KMT2D: variants seen among roughly 807,000 people sequenced by gnomAD.
KMT2D encodes the protein histone-lysine N-methyltransferase 2D.
Under a neutral mutation model 512.7 loss-of-function variants are expected in KMT2D, and 55 were observed. That is an observed-to-expected ratio of 0.11 (90% CI 0.09 to 0.13). The LOEUF (loss-of-function observed/expected upper bound fraction) is 0.13, where lower values mean the gene tolerates loss of function less well. Among genes scored for constraint, KMT2D ranks in the 10% least tolerant of loss-of-function variants. KMT2D has a pLI of 1.00. For missense variants in KMT2D, 6,061 were observed against 7,127.9 expected (o/e 0.85, Z 5.39); for synonymous variants, 2,995 against 2,904.0 (o/e 1.03, Z -1.01).
chr12:49,033,851 A>C lies in KMT2D; in HGVS notation c.10854T>G (p.Ala3618=). 2 of 1,559,118 alleles carry C rather than the reference A, an allele frequency of 1.3e-6. No individual in the cohort carries two copies. The highest frequency in any genetic ancestry group is 8.7e-7 in the Non-Finnish European group (1 of 1,154,298). ...GCCGGGGACTCTGGGAAGGGCTGAG[A>C]GCCAGCACAGCTGAGTGCTGTTGCT... ...QQQQQHSAVL[A]LSPSQSPRLL... Residue 3618 remains alanine, a synonymous_variant, in exon 40 of 55, where the codon GCT becomes GCG. Transcript: ENST00000301067.
At chr12:49,027,368 C>G in intron 48 of KMT2D, 46 bp from the exon 49 acceptor site, 1 of 1,449,912 alleles carries the variant, frequency 6.9e-7, no homozygotes, top group Non-Finnish European at 9.2e-7. Context: ...CCTCATCTAA[C>G]TAGCTCCCTC....
rs1346858813 is a variant in KMT2D at position 49,054,148 on chromosome 12, G to A, written c.511-8C>T. ...GGTGCAGTGGGAGCAGCGCTGCCAG[G>A]GTGAAAAAAGAGCCTCAGTGTCAGC... On this transcript the variant is annotated splice_polypyrimidine_tract_variant and splice_region_variant and intron_variant, in intron 5 of 54. Coordinates refer to ENST00000301067, the MANE Select transcript of KMT2D (RefSeq NM_003482.4). The surrounding 1 kb of genome is among the most constrained non-coding windows in gnomAD (Gnocchi z 6.4). 6.3e-7 allele frequency: 1 copy of A among 1,588,158 alleles called. No homozygotes were observed. Among genetic ancestry groups the A allele is most frequent in the Non-Finnish European group, 8.6e-7 (1 of 1,166,594 alleles).
At chr12:49,036,271 C>T (rs530113578) in intron 35 of KMT2D, among the ~76,000 whole-genome samples, 1 of 152,016 alleles carries the variant, frequency 6.6e-6, no homozygotes, top group East Asian at 1.9e-4. Context: ...TAGGTTTTCC[C>T]ACCATTGCAG....
rs752477959 is a variant in KMT2D at position 49,033,358 on chromosome 12, G to C, written c.11347C>G (p.Gln3783Glu). Residue 3783 changes from glutamine to glutamate, a missense_variant, in exon 40 of 55, where the codon CAA becomes GAA. Coordinates refer to ENST00000301067, the MANE Select transcript of KMT2D (RefSeq NM_003482.4). ...PQGLMPPSSH[Q>E]GLLVQQLSPQ... is the part of the protein sequence containing the mutation. ...GACAGCTGCTGGACCAGGAGGCCTTGGTGGCTGCTGGGAGGCATAAGGCCC... is the reference window on the plus strand; with the variant it reads ...GACAGCTGCTGGACCAGGAGGCCTTCGTGGCTGCTGGGAGGCATAAGGCCC... 6.2e-5 allele frequency: 99 copies of C among 1,585,730 alleles called. No homozygotes were observed. Among genetic ancestry groups the C allele is most frequent in the Non-Finnish European group, 7.8e-5 (91 of 1,166,194 alleles).
intron 41 of KMT2D, 51 bp downstream of exon 41, chr12:49,030,842 G>T (rs1393534561): frequency 6.2e-7 from 1 of 1,612,330 alleles, no homozygotes; most frequent in Non-Finnish European, 8.5e-7. Flanking sequence ...GGGGGACAGG[G>T]TGCCCCCTAT....
intron 14 of KMT2D, 62 bp downstream of exon 14, chr12:49,048,597 T>C: frequency 8.9e-7 from 1 of 1,119,448 alleles, no homozygotes; most frequent in Non-Finnish European, 1.4e-6. Flanking sequence ...TTTTCCCATC[T>C]ATCCTCTCAC....
chr12:49,020,781 T>A lies in KMT2D; in HGVS notation c.*999A>T. On this transcript the variant is annotated 3_prime_UTR_variant, in exon 55 of 55. Transcript: ENST00000301067. ...AGGGGCTGGAGGGCAAACAGGCTCA[T>A]GATGAGGTTGGGAAAACAGGAGGGA... 4.9e-6 allele frequency: 1 copy of A among 205,674 alleles called. No individual in the cohort carries two copies. The highest frequency in any genetic ancestry group is 7.2e-5 in the East Asian group (1 of 13,806). 12.7% of individuals were successfully genotyped at this position (205,674 alleles called of 1,614,324 possible).
Position 49,046,037 on chromosome 12 carries a change from C to A in KMT2D, c.4693+28G>T. ...AAGCAAGGTACCCCTGCTCTGACTCCTCCCCCTACCCAGCAGCTGGTACTC... is the reference window on the plus strand; with the variant it reads ...AAGCAAGGTACCCCTGCTCTGACTCATCCCCCTACCCAGCAGCTGGTACTC... On this transcript the variant is annotated intron_variant, in intron 18 of 54. Coordinates refer to ENST00000301067, the MANE Select transcript of KMT2D (RefSeq NM_003482.4). This position sits in a 1 kb window ranked among gnomAD's most constrained non-coding sequence, Gnocchi z 4.2. 6.2e-7 allele frequency: 1 copy of A among 1,611,502 alleles called. No individual in the cohort carries two copies. Among genetic ancestry groups the A allele is most frequent in the Non-Finnish European group, 8.5e-7 (1 of 1,178,402 alleles).
chr12:49,051,045 G>A lies in KMT2D; in HGVS notation c.2638C>T (p.Leu880=). ...TCCCCAGGGGGAGGGAACAAGGGCA[G>A]CTCCTCAGGTGCAGGGCATTGGCCT... ...EPGQCPAPEE[L]PLFPPPGEPS... Residue 880 remains leucine, a synonymous_variant, in exon 11 of 55, where the codon CTG becomes TTG. Transcript: ENST00000301067. 1.3e-6 allele frequency: 2 copies of A among 1,545,984 alleles called. No individual in the cohort carries two copies. Among genetic ancestry groups the A allele is most frequent in the Non-Finnish European group, 8.7e-7 (1 of 1,149,290 alleles).
At position 49,019,046 on chromosome 12, in the gene KMT2D, C is replaced by A; in HGVS notation, c.*2734G>T. Reference sequence around the variant, plus strand: ...TGGAAGAAGCAAAATCCAAAACTTGCCCTTTGCCTCTCGCAACATAAATAT... The same window carrying A: ...TGGAAGAAGCAAAATCCAAAACTTGACCTTTGCCTCTCGCAACATAAATAT... On this transcript the variant is annotated 3_prime_UTR_variant, in exon 55 of 55. Transcript: ENST00000301067. 1.5e-6 allele frequency: 2 copies of A among 1,362,464 alleles called. No individual in the cohort carries two copies. The highest frequency in any genetic ancestry group is 1.9e-6 in the Non-Finnish European group (2 of 1,057,960). 84.4% of individuals were successfully genotyped at this position (1,362,464 alleles called of 1,614,324 possible).
chr12:49,030,313 C>T lies in KMT2D; in HGVS notation c.13966G>A (p.Ala4656Thr), dbSNP rs1022501241. Residue 4656 changes from alanine to threonine, a missense_variant, in exon 43 of 55, where the codon GCC becomes ACC. Coordinates refer to ENST00000301067, the MANE Select transcript of KMT2D (RefSeq NM_003482.4). The part of the protein sequence containing the change: ...EELGEHPKDA[A>T]SARDSERALR... ...GCCCTTTCACTATCCCGGGCAGAGG[C>T]AGCATCCTTGGGGTGCTCCCCCAGC... The T allele has an allele frequency of 2.5e-6, 4 of 1,603,500 alleles. No homozygotes were observed. The highest frequency in any genetic ancestry group is 3.4e-6 in the Non-Finnish European group (4 of 1,175,062).
chr12:49,058,442 T>C (rs913969840), intron 1 of KMT2D, among the ~76,000 whole-genome samples: 2 of 152,174 alleles, frequency 1.3e-5, no homozygotes, highest in African/African-American at 2.4e-5. Context: ...ATATGTATGT[T>C]GGAGCAGATA....
chr12:49,028,611 G>A (rs947726786), intron 46 of KMT2D, among the ~76,000 whole-genome samples: 3 of 152,292 alleles, frequency 2.0e-5, no homozygotes, highest in African/African-American at 7.2e-5. Context: ...CTCCTTAGTT[G>A]TTGACTTGTC....
intron 45 of KMT2D, 46 bp downstream of exon 45, chr12:49,029,015 C>T (rs1336344258): frequency 1.2e-6 from 2 of 1,607,166 alleles, no homozygotes; most frequent in Admixed American, 3.4e-5. Flanking sequence ...CAGCTTCGGA[C>T]AACCCAGGTG....
rs1043416843 is a variant in KMT2D at position 49,028,910 on chromosome 12, C to T, written c.14300G>A (p.Gly4767Glu). Residue 4767 changes from glycine to glutamate, a missense_variant, in exon 46 of 55, where the codon GGA (glycine) becomes GAA (glutamate). Around this residue, in one of 16 missense-constraint regions of KMT2D, gnomAD observed 1,600 missense variants for 1,754.9 expected, o/e 0.91. Transcript: ENST00000301067. The part of the protein sequence containing the change: ...PYGALGLEVP[G>E]KLPVTTWEKG... Reference sequence around the variant, plus strand: ...TTCCCAAGTTGTGACAGGCAGCTTTCCAGGGACCTCCAGGCCAAGGGCCCC... The same window carrying T: ...TTCCCAAGTTGTGACAGGCAGCTTTTCAGGGACCTCCAGGCCAAGGGCCCC... 2.5e-6 allele frequency: 4 copies of T among 1,613,926 alleles called. No individual in the cohort carries two copies. The highest frequency in any genetic ancestry group is 1.6e-4 in the Middle Eastern group (1 of 6,084).
Position 49,037,359 on chromosome 12 carries a change from G to C in KMT2D, c.9997C>G (p.Gln3333Glu), listed in dbSNP as rs2120477733. Residue 3333 changes from glutamine (Q) to glutamate (E), a missense_variant, in exon 35 of 55, where the codon CAG (glutamine) becomes GAG (glutamate). Transcript: ENST00000301067. The stretch of plus-strand genomic sequence containing the variant: ...TGCTGGAGGGCATGAGCTGGTGGCT[G>C]GGTGGGCATCAGTGGCTGGGGCAAA... Reference protein sequence around the residue: ...PGLPQPLMPTQPPAHALQQRL... With the variant: ...PGLPQPLMPTEPPAHALQQRL... 1.2e-6 allele frequency: 2 copies of C among 1,611,372 alleles called. No individual in the cohort carries two copies. The highest frequency in any genetic ancestry group is 2.2e-5 in the South Asian group (2 of 90,460).
Position 49,020,090 on chromosome 12 carries a change from A to C in KMT2D, c.*1690T>G. ...CCTCACCCACCCCTTACCTACTCCC[A>C]CCCCCAGGAAGAGGTTCAACTGCAG... On this transcript the variant is annotated 3_prime_UTR_variant, in exon 55 of 55. Coordinates refer to ENST00000301067, the MANE Select transcript of KMT2D (RefSeq NM_003482.4). 1 of 192,686 alleles carries C rather than the reference A, an allele frequency of 5.2e-6. No homozygotes were observed. Among genetic ancestry groups the C allele is most frequent in the Non-Finnish European group, 1.1e-5 (1 of 92,270 alleles). The allele number at this position is 192,686 out of a possible 1,614,324, so 11.9% of individuals were successfully genotyped here. A position where few individuals can be genotyped will look rare whatever the true frequency, so the allele number is the denominator to read the frequency against.
chr12:49,028,712 A>G (rs1481920604), intron 46 of KMT2D, 116 bp downstream of exon 46: 5 of 1,345,388 alleles, frequency 3.7e-6, no homozygotes, highest in Non-Finnish European at 5.1e-6. Flanking sequence ...GCTTTCACAT[A>G]CAATAGGTAC....
chr12:49,033,086 C>A lies in KMT2D; in HGVS notation c.11619G>T (p.Leu3873=). The change falls in exon 40 of 55, where the codon CTG becomes CTT. Residue 3873 remains leucine (L), a synonymous_variant. Transcript: ENST00000301067. ...ACATCAGACTCTGCTGAAGATGGGACAGCCCTGCCATGGACCCTTGCTGTT... is the reference window on the plus strand; with the variant it reads ...ACATCAGACTCTGCTGAAGATGGGAAAGCCCTGCCATGGACCCTTGCTGTT... ...QHQQQGSMAG[L]SHLQQSLMSH... The A allele has an allele frequency of 6.4e-7, 1 of 1,551,618 alleles. No individual in the cohort carries two copies. Among genetic ancestry groups the A allele is most frequent in the Non-Finnish European group, 8.7e-7 (1 of 1,146,964 alleles).
Sources: gnomAD v4.1 joint callset for allele counts (sites outside exome capture counted in the v4.1 genomes callset) on GRCh38, gnomAD v4.1.1 for gene constraint, gnomAD v4.1.1 regional missense constraint, Gnocchi (gnomAD v3.1) non-coding constraint, MANE v1.5 for transcripts, NCBI Gene and HGNC (gene_info 2026-07-23, HGNC 2026-07-21) for gene names.